ROBO1: variants seen among roughly 807,000 people sequenced by gnomAD.
The protein encoded by ROBO1 is roundabout homolog 1.
A neutral mutation model predicts 195.9 loss-of-function variants in ROBO1; 149 were observed. That is an observed-to-expected ratio of 0.76 (90% confidence interval 0.67 to 0.87). The LOEUF (loss-of-function observed/expected upper bound fraction) is 0.87. ROBO1 is among the 40% of genes least tolerant of loss of function. ROBO1 has a pLI of 0.00. For synonymous variants in ROBO1, 816 were observed against 733.2 expected, an observed-to-expected ratio of 1.11 and a Z score of -1.82; for missense variants, 1,933 against 2,068.3, an observed-to-expected ratio of 0.93 and a Z score of 1.27.
intron 1 of ROBO1, among the ~76,000 whole-genome samples, chr3:79,746,870 C>G (rs971608345): frequency 2.0e-5 from 3 of 152,030 alleles, no homozygotes; most frequent in African/African-American, 4.8e-5. Context: ...TATAAAGAAT[C>G]ATGGATTAAA....
chr3:79,567,430 C>A (rs549910618), intron 2 of ROBO1, among the ~76,000 whole-genome samples: 3 of 152,212 alleles, frequency 2.0e-5, no homozygotes, highest in African/African-American at 7.2e-5. Context: ...GTAACATGTA[C>A]ATTTTGTTAA....
chr3:78,749,469 G>T (rs2082736468), intron 4 of ROBO1, among the ~76,000 whole-genome samples: 1 of 152,094 alleles, frequency 6.6e-6, no homozygotes, highest in South Asian at 2.1e-4. Context: ...ATGCTCATAT[G>T]ATTGTTTTTG....
rs181167812 is a variant in ROBO1 at position 79,229,713 on chromosome 3, C to T, written c.89-104174G>A. 3.4e-3 allele frequency among the ~76,000 whole-genome samples: 522 copies of T among 152,174 alleles called. 2 individuals carry two copies. The highest frequency in any genetic ancestry group is 6.4e-3 in the Non-Finnish European group (434 of 68,010). On this transcript the variant is annotated intron_variant, in intron 2 of 30. Transcript: ENST00000464233. ...GGATTTACAGGCATGAGCCATCGTG[C>T]CTGGCCAGTGCTCATGTTTGAAAGT...
intron 28 of ROBO1, among the ~76,000 whole-genome samples, chr3:78,610,537 C>T (rs1023937632): frequency 1.2e-4 from 19 of 152,006 alleles, no homozygotes; most frequent in Non-Finnish European, 2.1e-4. Flanking sequence ...AATTGGATTG[C>T]GAACGCAGAT....
At chr3:79,644,959 A>G (rs1403289486) in intron 1 of ROBO1, among the ~76,000 whole-genome samples, 1 of 152,182 alleles carries the variant, frequency 6.6e-6, no homozygotes, top group African/African-American at 2.4e-5. Context: ...GCTTGGAACA[A>G]TAATATGTCA....
intron 3 of ROBO1, among the ~76,000 whole-genome samples, chr3:78,999,033 C>T (rs1576539529): frequency 1.3e-5 from 2 of 152,088 alleles, no homozygotes; most frequent in Middle Eastern, 6.8e-3. Flanking sequence ...TCTCACACCA[C>T]TCAGAATGGC....
intron 1 of ROBO1, among the ~76,000 whole-genome samples, chr3:79,644,331 G>A (rs976967084): frequency 3.3e-5 from 5 of 152,022 alleles, no homozygotes; most frequent in Non-Finnish European, 5.9e-5. Context: ...AAAGAGCAAA[G>A]TTAAACTACA....
At chr3:79,026,590 T>C (rs2078207429) in intron 3 of ROBO1, among the ~76,000 whole-genome samples, 1 of 152,086 alleles carries the variant, frequency 6.6e-6, no homozygotes, top group Admixed American at 6.5e-5. Context: ...TGAAAAAATA[T>C]ATTGTACATG....
intron 7 of ROBO1, 39 bp downstream of exon 7, chr3:78,717,236 C>T (rs900171560): frequency 4.6e-6 from 7 of 1,514,472 alleles, no homozygotes; most frequent in African/African-American, 1.4e-5. Flanking sequence ...CGTAGAAATG[C>T]TGAGTTGACA....
At chr3:79,519,669 A>G (rs745877573) in intron 2 of ROBO1, among the ~76,000 whole-genome samples, 35 of 150,428 alleles carry the variant, frequency 2.3e-4, no homozygotes, top group Non-Finnish European at 4.0e-4. Context: ...AAAGAAATGT[A>G]TGCTAAGTAT....
chr3:78,973,481 TTATA>T, intron 3 of ROBO1, among the ~76,000 whole-genome samples: 1 of 145,610 alleles, frequency 6.9e-6, no homozygotes, highest in Admixed American at 7.0e-5. Context: ...TATATATATA[TTATA>T]TATATAAGAA....
intron 2 of ROBO1, among the ~76,000 whole-genome samples, chr3:79,323,585 A>G (rs2034079859): frequency 6.6e-6 from 1 of 152,220 alleles, no homozygotes; most frequent in Non-Finnish European, 1.5e-5. Flanking sequence ...GGAGATTGTT[A>G]AATATCATTT....
At chr3:79,152,894 T>C (rs2080797265) in intron 2 of ROBO1, among the ~76,000 whole-genome samples, 1 of 151,758 alleles carries the variant, frequency 6.6e-6, no homozygotes, top group African/African-American at 2.4e-5. Flanking sequence ...ACACAGCATG[T>C]TCAAAGGTCC....
chr3:79,651,560 G>T (rs1946009014), intron 1 of ROBO1, among the ~76,000 whole-genome samples: 1 of 152,122 alleles, frequency 6.6e-6, no homozygotes, highest in Non-Finnish European at 1.5e-5. Flanking sequence ...AAAGTCAACT[G>T]ATTTATTTGC....
chr3:79,018,269 TA>T lies in ROBO1; in HGVS notation c.173-79343del, dbSNP rs529655290. On this transcript the variant is annotated intron_variant, in intron 3 of 30. Transcript: ENST00000464233. ...AATGCGAACTAGGAACATTTTCGCC[TA>T]AAAGTCTAGCAGGAATCGAGCCCCT... is the stretch of plus-strand genomic sequence containing the variant. The T allele has an allele frequency of 1.0e-3, 1,002 of 976,806 alleles. 4 individuals are homozygous for T. Among genetic ancestry groups the T allele is most frequent in the Middle Eastern group, 7.4e-3 (24 of 3,248 alleles). 60.5% of individuals were successfully genotyped at this position (976,806 alleles called of 1,614,324 possible).
At chr3:78,685,640 A>T in intron 10 of ROBO1, 106 bp downstream of exon 10, 1 of 673,128 alleles carries the variant, frequency 1.5e-6, no homozygotes, top group Non-Finnish European at 2.3e-6. Context: ...TTACACTAAA[A>T]TAGCCATAAA....
chr3:79,675,293 A>G (rs1946752354), intron 1 of ROBO1, among the ~76,000 whole-genome samples: 1 of 152,000 alleles, frequency 6.6e-6, no homozygotes, highest in South Asian at 2.1e-4. Flanking sequence ...TGATTGCATT[A>G]GTTTAGTGTT....
chr3:79,051,391 G>C (rs2078695004), intron 3 of ROBO1, among the ~76,000 whole-genome samples: 1 of 152,206 alleles, frequency 6.6e-6, no homozygotes. Context: ...CAAATAACAG[G>C]CTTTGAACTT....
chr3:78,609,105 C>A (rs1703636903), intron 28 of ROBO1, among the ~76,000 whole-genome samples: 1 of 152,036 alleles, frequency 6.6e-6, no homozygotes, highest in South Asian at 2.1e-4. Flanking sequence ...TTTCACATTT[C>A]TAGAATAATG....
Sources: gnomAD v4.1 joint callset for allele counts (sites outside exome capture counted in the v4.1 genomes callset) on GRCh38, gnomAD v4.1.1 for gene constraint, MANE v1.5 for transcripts, NCBI Gene and HGNC (gene_info 2026-07-23, HGNC 2026-07-21) for gene names.